TMEM132E: variants seen among roughly 807,000 people sequenced by gnomAD.
TMEM132E encodes the protein transmembrane protein 132E.
Under a neutral mutation model 78.5 loss-of-function variants are expected in TMEM132E, and 49 were observed. That is an observed-to-expected ratio of 0.62 (90% confidence interval 0.50 to 0.79). TMEM132E has a LOEUF of 0.79. Among genes scored for constraint, TMEM132E ranks in the 30% least tolerant of loss-of-function variants. TMEM132E has a pLI of 0.00. For missense variants in TMEM132E, 1,403 were observed against 1,470.9 expected, an observed-to-expected ratio of 0.95 and a Z score of 0.75; for synonymous variants, 715 against 670.6, an observed-to-expected ratio of 1.07 and a Z score of -1.02.
At chr17:34,631,346 G>A (rs1211288459) in intron 5 of TMEM132E, among the ~76,000 whole-genome samples, 2 of 152,158 alleles carry the variant, frequency 1.3e-5, no homozygotes, top group African/African-American at 4.8e-5. Flanking sequence ...AAGCCTGTGA[G>A]CTGTCCACTG....
intron 1 of TMEM132E, among the ~76,000 whole-genome samples, chr17:34,601,654 T>C (rs867533051): frequency 5.3e-5 from 8 of 152,080 alleles, no homozygotes; most frequent in Non-Finnish European, 8.8e-5. Flanking sequence ...CTAATTTGGG[T>C]CAATTAAGCC....
rs1376768564 is a variant in TMEM132E at position 34,622,361 on chromosome 17, G to A, written c.68-3766G>A. 2.0e-5 allele frequency among the ~76,000 whole-genome samples: 3 copies of A among 152,234 alleles called. No homozygotes were observed. In the East Asian group the frequency reaches 5.8e-4, roughly 29 times the overall value. ...GGGACCCACCCTGCTCCAATGCTGAGGAGACTGAAGGGCCCCAGCAGGATG... is the reference window on the plus strand; with the variant it reads ...GGGACCCACCCTGCTCCAATGCTGAAGAGACTGAAGGGCCCCAGCAGGATG... On this transcript the variant is annotated intron_variant, in intron 1 of 8. Coordinates refer to ENST00000631683, the MANE Select transcript of TMEM132E (RefSeq NM_001304438.2).
At position 34,638,336 on chromosome 17, in the gene TMEM132E, A is replaced by T; in HGVS notation, c.*104A>T. On this transcript the variant is annotated 3_prime_UTR_variant, in exon 9 of 9. Coordinates refer to ENST00000631683, the MANE Select transcript of TMEM132E (RefSeq NM_001304438.2). ...ACACTGACTCTGGGCGGCTGAATTG[A>T]TTTTGTACTCCCTGCCCCTGCAGCT... 8.0e-7 allele frequency: 1 copy of T among 1,242,546 alleles called. No homozygotes were observed. The highest frequency in any genetic ancestry group is 1.6e-5 in the South Asian group (1 of 62,688). 77.0% of individuals were successfully genotyped at this position (1,242,546 alleles called of 1,614,324 possible). A position where few individuals can be genotyped will look rare whatever the true frequency, so the allele number is the denominator to read the frequency against.
intron 1 of TMEM132E, among the ~76,000 whole-genome samples, chr17:34,624,804 T>C (rs1885612584): frequency 6.6e-6 from 1 of 152,220 alleles, no homozygotes; most frequent in African/African-American, 2.4e-5. Context: ...TTCTTTGATA[T>C]ACACACATTT....
intron 1 of TMEM132E, among the ~76,000 whole-genome samples, chr17:34,604,649 G>T (rs930631819): frequency 1.3e-5 from 2 of 152,074 alleles, no homozygotes; most frequent in African/African-American, 4.8e-5. Flanking sequence ...TTCTCTGTGG[G>T]TCTGTCCCCC....
chr17:34,593,850 T>C (rs140430623), intron 1 of TMEM132E, among the ~76,000 whole-genome samples: 6 of 152,366 alleles, frequency 3.9e-5, no homozygotes, highest in Non-Finnish European at 8.8e-5. Flanking sequence ...CAGCATGATC[T>C]GTCCCTTTTC....
intron 1 of TMEM132E, 122 bp downstream of exon 1, chr17:34,581,265 G>A (rs2142044739): frequency 1.1e-6 from 1 of 944,312 alleles, no homozygotes; most frequent in Non-Finnish European, 1.4e-6. Context: ...TCCGGGTTTG[G>A]CGTCTCTGGC....
Position 34,626,294 on chromosome 17 carries a change from T to C in TMEM132E, c.235T>C (p.Phe79Leu). The C allele has an allele frequency of 6.2e-7, 1 of 1,610,894 alleles. No individual in the cohort carries two copies. Among genetic ancestry groups the C allele is most frequent in the Non-Finnish European group, 8.5e-7 (1 of 1,178,782 alleles). ...ANSSLQRSEP[F>L]VVFQTKELPV... ...CAGCTCTCTGCAGCGCTCCGAGCCC[T>C]TCGTGGTGTTCCAGACCAAGGAGCT... Residue 79 changes from phenylalanine (F) to leucine (L), a missense_variant, in exon 2 of 9, where the codon TTC becomes CTC. This residue lies in a region of TMEM132E where 511 missense variants were observed against 499.0 expected (regional missense o/e 1.02). Transcript: ENST00000631683.
chr17:34,630,248 T>C, intron 5 of TMEM132E, 97 bp downstream of exon 5: 1 of 1,363,732 alleles, frequency 7.3e-7, no homozygotes, highest in Non-Finnish European at 1.0e-6. Flanking sequence ...CTCTTACTCA[T>C]CCTCTAACAC....
Position 34,630,066 on chromosome 17 carries a change from A to G in TMEM132E, c.1397A>G (p.Lys466Arg). ...LTGRTVAIPVKVIAIEVNGLV... is the reference protein window; with the variant it reads ...LTGRTVAIPVRVIAIEVNGLV... ...GGCCGGACAGTGGCCATCCCTGTCA[A>G]GGTCATTGCCATCGAGGTGAATGGC... Residue 466 changes from lysine (K) to arginine (R), a missense_variant, in exon 5 of 9, where the codon AAG becomes AGG. This residue lies in a region of TMEM132E where 888 missense variants were observed against 952.8 expected (regional missense o/e 0.93). Transcript: ENST00000631683. The G allele has an allele frequency of 6.2e-7, 1 of 1,613,702 alleles. No individual in the cohort carries two copies. Among genetic ancestry groups the G allele is most frequent in the Non-Finnish European group, 8.5e-7 (1 of 1,179,650 alleles).
In TMEM132E at chr17:34,628,706, C is replaced by A. The variant is rs986980581; in HGVS notation, c.1142C>A (p.Pro381His). ...VAWAQSTPLP[P>H]REGQGPLEIL... The stretch of plus-strand genomic sequence containing the variant: ...TGGGCTCAGAGCACACCCCTGCCCC[C>A]CAGGTGAGCCCGAGGTGGTGCATCT... Residue 381 changes from proline (P) to histidine (H), a missense_variant, in exon 3 of 9, where the codon CCC becomes CAC. Coordinates refer to ENST00000631683, the MANE Select transcript of TMEM132E (RefSeq NM_001304438.2). 93 of 1,589,978 alleles carry A rather than the reference C, an allele frequency of 5.8e-5. No homozygotes were observed. Among genetic ancestry groups the A allele is most frequent in the Non-Finnish European group, 7.7e-5 (90 of 1,167,216 alleles).
chr17:34,595,058 G>A (rs893151206), intron 1 of TMEM132E, among the ~76,000 whole-genome samples: 5 of 152,234 alleles, frequency 3.3e-5, no homozygotes, highest in African/African-American at 1.2e-4. Context: ...ACTTTGGAAA[G>A]GGCCAGGTAT....
rs16970084 is a variant in TMEM132E at position 34,591,687 on chromosome 17, G to A, written c.67+10544G>A. Among the ~76,000 whole-genome samples the A allele has an allele frequency of 0.013, 1,945 of 151,842 alleles. 116 individuals carry two copies. The East Asian group carries it at 0.18, about 14-fold the overall frequency. ...ACAGTCAGCCAGCAGCTGAAGGAGC[G>A]GATCCACACAGGTGTCACTGTCAGC... On this transcript the variant is annotated intron_variant, in intron 1 of 8. Coordinates refer to ENST00000631683, the MANE Select transcript of TMEM132E (RefSeq NM_001304438.2).
chr17:34,582,214 G>A (rs1440764859), intron 1 of TMEM132E, among the ~76,000 whole-genome samples: 2 of 151,902 alleles, frequency 1.3e-5, no homozygotes, highest in African/African-American at 4.8e-5. Flanking sequence ...GCAGAATGGA[G>A]GGCGCTTAGA....
intron 1 of TMEM132E, among the ~76,000 whole-genome samples, chr17:34,608,095 C>G (rs763260226): frequency 1.3e-5 from 2 of 152,164 alleles, no homozygotes; most frequent in Non-Finnish European, 2.9e-5. Context: ...CAAGCTGGTT[C>G]CCCTGGCAAC....
At position 34,615,517 on chromosome 17, in the gene TMEM132E, A is replaced by ATGTGTGTGTGTGTGTG. The variant is rs3048841; in HGVS notation, c.68-10590_68-10575dup. On this transcript the variant is annotated intron_variant, in intron 1 of 8. Transcript: ENST00000631683. ...GCCTGCAAGGGGAAGACTGGCACAG[A>ATGTGTGTGTGTGTGTG]TGTGTGTGTGTGTGTGTGTGTGTGT... 3.1e-3 allele frequency among the ~76,000 whole-genome samples: 434 copies of ATGTGTGTGTGTGTGTG among 140,870 alleles called. 6 individuals carry two copies. The highest frequency in any genetic ancestry group is 0.028 in the East Asian group (126 of 4,452). 92.4% of individuals were successfully genotyped at this position (140,870 alleles called of 152,430 possible).
chr17:34,628,831 G>A, intron 3 of TMEM132E, 122 bp downstream of exon 3: 1 of 1,396,772 alleles, frequency 7.2e-7, no homozygotes, highest in South Asian at 1.5e-5. Flanking sequence ...TGGGGTCTCT[G>A]AGGTCCAGGC....
chr17:34,586,807 C>CAA (rs11338687), intron 1 of TMEM132E, among the ~76,000 whole-genome samples: 2 of 149,144 alleles, frequency 1.3e-5, no homozygotes, highest in African/African-American at 4.9e-5. Flanking sequence ...TAATTCAATG[C>CAA]AAAAAAAAAA....
intron 8 of TMEM132E, 30 bp from the exon 9 acceptor site, chr17:34,637,147 T>C (rs1907547211): frequency 6.4e-7 from 1 of 1,565,804 alleles, no homozygotes; most frequent in African/African-American, 1.3e-5. Flanking sequence ...GCTCTTTGAC[T>C]CCTATCCCCT....
Sources: allele counts gnomAD v4.1 joint callset (sites outside exome capture counted in the v4.1 genomes callset), GRCh38; gene constraint gnomAD v4.1.1; regional missense constraint gnomAD v4.1.1; transcripts MANE v1.5; gene names NCBI Gene and HGNC (gene_info 2026-07-23, HGNC 2026-07-21).